Variants in SGCZ observed in about 807,000 individuals in gnomAD.
SGCZ encodes sarcoglycan zeta, also known as zeta-sarcoglycan.
In SGCZ, 40 loss-of-function variants were observed where a neutral mutation model predicts 41.3. That is an observed-to-expected ratio of 0.97 (90% CI 0.75 to 1.26). SGCZ has a LOEUF of 1.26. Ranked by LOEUF, SGCZ falls within the 50% of genes most tolerant of loss-of-function variation. The pLI is 0.00. For synonymous variants in SGCZ, 206 were observed against 137.5 expected, an observed-to-expected ratio of 1.50 and a Z score of -3.49; for missense variants, 552 against 369.8, an observed-to-expected ratio of 1.49 and a Z score of -4.04.
At chr8:14,756,281 G>C (rs1053466354) in intron 1 of SGCZ, among the ~76,000 whole-genome samples, 1 of 149,778 alleles carries the variant, frequency 6.7e-6, no homozygotes, top group Non-Finnish European at 1.5e-5. Context: ...CGCCTCCCAC[G>C]TTCAAGCGAT....
chr8:14,475,459 T>C (rs1240314733), intron 2 of SGCZ, among the ~76,000 whole-genome samples: 6 of 150,334 alleles, frequency 4.0e-5, no homozygotes, highest in South Asian at 2.1e-4. Context: ...CCATGCATGA[T>C]TCATTTTTCA....
chr8:14,338,029 T>A (rs146839450), intron 2 of SGCZ, among the ~76,000 whole-genome samples: 1 of 152,286 alleles, frequency 6.6e-6, no homozygotes, highest in African/African-American at 2.4e-5. Context: ...ACAAAGGTCC[T>A]GTTCAATTGG....
chr8:14,742,488 T>A (rs1371692621), intron 1 of SGCZ, among the ~76,000 whole-genome samples: 1 of 152,040 alleles, frequency 6.6e-6, no homozygotes, highest in African/African-American at 2.4e-5. Context: ...GCAAAGACAA[T>A]TTGGAGAAAT....
At chr8:14,794,439 T>C (rs987752620) in intron 1 of SGCZ, among the ~76,000 whole-genome samples, 3 of 152,064 alleles carry the variant, frequency 2.0e-5, no homozygotes, top group Non-Finnish European at 2.9e-5. Flanking sequence ...TAAAGCTCAA[T>C]AGAATTCGAC....
chr8:14,534,171 T>C (rs917215042), intron 2 of SGCZ, among the ~76,000 whole-genome samples: 3 of 151,936 alleles, frequency 2.0e-5, no homozygotes, highest in African/African-American at 7.2e-5. Context: ...AGAGAAGTTT[T>C]AAGATGCCAG....
At chr8:14,965,223 C>G (rs1801094953) in intron 1 of SGCZ, among the ~76,000 whole-genome samples, 1 of 152,096 alleles carries the variant, frequency 6.6e-6, no homozygotes, top group South Asian at 2.1e-4. Flanking sequence ...ATGAATCTAA[C>G]TTGTTTGATA....
chr8:14,668,283 AG>A (rs1286378138), intron 1 of SGCZ, among the ~76,000 whole-genome samples: 4 of 152,220 alleles, frequency 2.6e-5, no homozygotes, highest in African/African-American at 9.6e-5. Context: ...AAATGAATTC[AG>A]TCCAAGCTCA....
chr8:14,565,134 T>A (rs77933833), intron 1 of SGCZ, among the ~76,000 whole-genome samples: 27,626 of 152,132 alleles, frequency 0.18, 2,596 homozygotes, highest in Middle Eastern at 0.27. Context: ...GAAAACTGAA[T>A]AGGCACTAAA....
chr8:14,590,614 A>G (rs1257555178), intron 1 of SGCZ, among the ~76,000 whole-genome samples: 2 of 150,488 alleles, frequency 1.3e-5, no homozygotes, highest in African/African-American at 4.8e-5. Flanking sequence ...TTTTATAACA[A>G]TGAAACAACA....
chr8:14,220,529 C>T (rs1236948640), intron 4 of SGCZ, among the ~76,000 whole-genome samples: 2 of 151,978 alleles, frequency 1.3e-5, no homozygotes, highest in African/African-American at 4.8e-5. Context: ...CCTCAGGGGA[C>T]GCCTTTGAGA....
chr8:14,879,978 C>G (rs532079905), intron 1 of SGCZ, among the ~76,000 whole-genome samples: 3 of 152,058 alleles, frequency 2.0e-5, no homozygotes, highest in Admixed American at 2.0e-4. Context: ...GTAGCTGGGA[C>G]TACAGGTTTG....
At position 14,765,385 on chromosome 8, in the gene SGCZ, T is replaced by C. The variant is rs913777852; in HGVS notation, c.40-210459A>G. Among the ~76,000 whole-genome samples the C allele has an allele frequency of 5.3e-5, 8 of 152,224 alleles. No individual in the cohort carries two copies. In the East Asian group the frequency reaches 1.2e-3, roughly 22 times the overall value. On this transcript the variant is annotated intron_variant, in intron 1 of 7. Transcript: ENST00000382080. The stretch of plus-strand genomic sequence containing the variant: ...TTAAGTTATATAAAGTATTAATATA[T>C]ATAAAACATCTTATTTTCTCATATG...
At chr8:14,595,400 A>ACACACAC (rs1554459945) in intron 1 of SGCZ, among the ~76,000 whole-genome samples, 14 of 136,316 alleles carry the variant, frequency 1.0e-4, no homozygotes, top group African/African-American at 1.4e-4. Flanking sequence ...AACATGCACA[A>ACACACAC]ACACACACAC....
chr8:14,143,621 G>C (rs936993891), intron 5 of SGCZ, among the ~76,000 whole-genome samples: 1 of 151,992 alleles, frequency 6.6e-6, no homozygotes, highest in Non-Finnish European at 1.5e-5. Flanking sequence ...CTACTGCAAG[G>C]GCACCAATTT....
intron 1 of SGCZ, among the ~76,000 whole-genome samples, chr8:14,830,784 T>A (rs958475018): frequency 9.9e-5 from 15 of 152,078 alleles, no homozygotes; most frequent in African/African-American, 3.6e-4. Context: ...TCACAACATC[T>A]CAAAAGGTAT....
chr8:14,839,510 G>A (rs1451098680), intron 1 of SGCZ, among the ~76,000 whole-genome samples: 5 of 152,116 alleles, frequency 3.3e-5, no homozygotes, highest in Non-Finnish European at 5.9e-5. Flanking sequence ...TTGTTTTTAT[G>A]TAATTATAAC....
intron 2 of SGCZ, among the ~76,000 whole-genome samples, chr8:14,462,865 T>C (rs946670369): frequency 2.1e-5 from 3 of 141,594 alleles, no homozygotes; most frequent in Non-Finnish European, 3.2e-5. Context: ...AGAATGTCTT[T>C]TAAGAATTTT....
intron 5 of SGCZ, chr8:14,162,571 C>T (rs898083517): frequency 2.0e-5 from 3 of 152,278 alleles, no homozygotes; most frequent in Middle Eastern, 3.2e-3. Context: ...TGTCCCTGCT[C>T]TCCTAACTCA....
intron 1 of SGCZ, among the ~76,000 whole-genome samples, chr8:14,954,715 G>A (rs1014701070): frequency 2.0e-5 from 3 of 152,058 alleles, no homozygotes; most frequent in Admixed American, 2.0e-4. Flanking sequence ...TAAAACCTCA[G>A]ACTGTTTGGA....
Sources: gnomAD v4.1 joint callset for allele counts (sites outside exome capture counted in the v4.1 genomes callset) on GRCh38, gnomAD v4.1.1 for gene constraint, MANE v1.5 for transcripts, NCBI Gene and HGNC (gene_info 2026-07-23, HGNC 2026-07-21) for gene names.